The following BMPR1B variants were observed in gnomAD, a reference collection of about 807,000 sequenced individuals.
The protein encoded by BMPR1B is bone morphogenetic protein receptor type 1B, also known as bone morphogenetic protein receptor type-1B.
BMPR1B carries 12 observed loss-of-function variants against 59.1 expected under a neutral mutation model. That is an observed-to-expected ratio of 0.20 (90% CI 0.13 to 0.33). The LOEUF is 0.33. BMPR1B is among the 10% of genes least tolerant of loss of function. BMPR1B has a pLI of 1.00. For missense variants in BMPR1B, 550 were observed against 610.9 expected, an observed-to-expected ratio of 0.90 and a Z score of 1.05; for synonymous variants, 237 against 207.3, an observed-to-expected ratio of 1.14 and a Z score of -1.23.
intron 2 of BMPR1B, among the ~76,000 whole-genome samples, chr4:94,954,560 C>T (rs1369439731): frequency 6.6e-6 from 1 of 152,090 alleles, no homozygotes; most frequent in East Asian, 1.9e-4. Flanking sequence ...TTAGATGAGC[C>T]CATAAAGAGA....
At chr4:95,144,309 G>T (rs994964990) in intron 10 of BMPR1B, among the ~76,000 whole-genome samples, 6 of 151,956 alleles carry the variant, frequency 3.9e-5, no homozygotes, top group African/African-American at 1.5e-4. Context: ...CAAGTAGCTG[G>T]GGCTACAGGC....
intron 11 of BMPR1B, among the ~76,000 whole-genome samples, chr4:95,151,736 G>A (rs533789083): frequency 2.6e-5 from 4 of 152,190 alleles, no homozygotes; most frequent in South Asian, 2.1e-4. Flanking sequence ...CCAACTTGAC[G>A]GCATCATCTT....
intron 2 of BMPR1B, among the ~76,000 whole-genome samples, chr4:94,994,492 T>TG (rs1431034677): frequency 6.6e-6 from 1 of 152,356 alleles, no homozygotes; most frequent in South Asian, 2.1e-4. Context: ...CTTGCTACGT[T>TG]GTTTTACATT....
At chr4:95,093,292 G>T (rs1200573174) in intron 3 of BMPR1B, among the ~76,000 whole-genome samples, 3 of 152,002 alleles carry the variant, frequency 2.0e-5, no homozygotes, top group Non-Finnish European at 2.9e-5. Context: ...TAAACATTTT[G>T]ATTGAGTTTC....
At chr4:95,049,439 T>TGCAG (rs1726287002) in intron 3 of BMPR1B, among the ~76,000 whole-genome samples, 59 of 18,736 alleles carry the variant, frequency 3.1e-3, no homozygotes, top group Non-Finnish European at 6.9e-3. Context: ...TTTTTTTTTT[T>TGCAG]TTTTTTTTTT....
At chr4:94,957,518 T>C (rs1485758595) in intron 2 of BMPR1B, among the ~76,000 whole-genome samples, 1 of 152,016 alleles carries the variant, frequency 6.6e-6, no homozygotes, top group Non-Finnish European at 1.5e-5. Context: ...TCTTTTTCTT[T>C]TCTTTCTTTG....
intron 3 of BMPR1B, among the ~76,000 whole-genome samples, chr4:95,055,371 G>A (rs1726841467): frequency 6.6e-6 from 1 of 152,092 alleles, no homozygotes; most frequent in African/African-American, 2.4e-5. Flanking sequence ...TTCACAATTA[G>A]AATGATAATA....
intron 2 of BMPR1B, among the ~76,000 whole-genome samples, chr4:94,928,765 G>A (rs1316482570): frequency 1.3e-5 from 2 of 151,868 alleles, no homozygotes. Flanking sequence ...TATTTTACCT[G>A]TTTATATCTT....
chr4:95,005,912 A>G (rs1722790916), intron 3 of BMPR1B, among the ~76,000 whole-genome samples: 2 of 152,164 alleles, frequency 1.3e-5, no homozygotes, highest in South Asian at 4.1e-4. Context: ...CAATTTCCCT[A>G]AAGTCATTTA....
intron 6 of BMPR1B, among the ~76,000 whole-genome samples, chr4:95,118,861 G>A (rs1163502792): frequency 6.6e-6 from 1 of 152,184 alleles, no homozygotes; most frequent in African/African-American, 2.4e-5. Context: ...GGCTGCCGGG[G>A]ATAGGGTTAT....
intron 1 of BMPR1B, among the ~76,000 whole-genome samples, chr4:94,840,753 T>G (rs1725025892): frequency 6.7e-6 from 1 of 148,686 alleles, no homozygotes; most frequent in South Asian, 2.2e-4. Context: ...GAAGCCTTCT[T>G]CTCTCAACTT....
chr4:94,961,779 A>G lies in BMPR1B; in HGVS notation c.-112-34261A>G, dbSNP rs139823381. Among the ~76,000 whole-genome samples, 37 of 152,290 alleles carry G rather than the reference A, an allele frequency of 2.4e-4. No individual in the cohort carries two copies. The East Asian group carries it at 5.8e-3, about 24-fold the overall frequency. ...TTCCTATTCGTTTATAAATTAGTTTATTTAACGTACTTTAAAACTTTTTAT... is the reference window on the plus strand; with the variant it reads ...TTCCTATTCGTTTATAAATTAGTTTGTTTAACGTACTTTAAAACTTTTTAT... On this transcript the variant is annotated intron_variant, in intron 2 of 12. Transcript: ENST00000515059.
chr4:94,839,977 C>T (rs1724988168), intron 1 of BMPR1B, among the ~76,000 whole-genome samples: 1 of 149,488 alleles, frequency 6.7e-6, no homozygotes, highest in South Asian at 2.1e-4. Context: ...AATCTCTCAG[C>T]ATTTGCTTGT....
intron 3 of BMPR1B, among the ~76,000 whole-genome samples, chr4:95,074,383 T>G (rs1240630347): frequency 6.6e-6 from 1 of 152,160 alleles, no homozygotes; most frequent in Non-Finnish European, 1.5e-5. Flanking sequence ...GAGAAATCTT[T>G]CCTTTCAGTT....
At chr4:95,089,601 A>G (rs892691650) in intron 3 of BMPR1B, among the ~76,000 whole-genome samples, 1 of 152,142 alleles carries the variant, frequency 6.6e-6, no homozygotes, top group Non-Finnish European at 1.5e-5. Context: ...AACTGAAGCC[A>G]TTTATTTATC....
At chr4:94,986,194 G>T (rs1023469657) in intron 2 of BMPR1B, among the ~76,000 whole-genome samples, 2 of 151,758 alleles carry the variant, frequency 1.3e-5, no homozygotes, top group Non-Finnish European at 2.9e-5. Context: ...ACATTATTTC[G>T]TCTCTTTATT....
At chr4:95,077,379 G>A (rs1728789504) in intron 3 of BMPR1B, among the ~76,000 whole-genome samples, 1 of 152,084 alleles carries the variant, frequency 6.6e-6, no homozygotes, top group Non-Finnish European at 1.5e-5. Context: ...ATTTTGCCAG[G>A]CTCCGTTAAG....
intron 2 of BMPR1B, among the ~76,000 whole-genome samples, chr4:94,881,294 C>T (rs1032077059): frequency 6.6e-6 from 1 of 152,022 alleles, no homozygotes; most frequent in Admixed American, 6.6e-5. Context: ...TAAGACCTCT[C>T]CCCCACAAAC....
At chr4:95,057,553 G>C (rs933426090) in intron 3 of BMPR1B, among the ~76,000 whole-genome samples, 10 of 151,948 alleles carry the variant, frequency 6.6e-5, no homozygotes, top group Admixed American at 3.3e-4. Flanking sequence ...GAATTTGATT[G>C]GCTGCGGACC....
Sources: allele counts gnomAD v4.1 joint callset (sites outside exome capture counted in the v4.1 genomes callset), GRCh38; gene constraint gnomAD v4.1.1; transcripts MANE v1.5; gene names NCBI Gene and HGNC (gene_info 2026-07-23, HGNC 2026-07-21).